TRIOBP: variants seen among roughly 807,000 people sequenced by gnomAD.
The protein encoded by TRIOBP is TRIO and F-actin binding protein.
TRIOBP carries 169 observed loss-of-function variants against 238.8 expected under a neutral mutation model. The observed-to-expected ratio is 0.71, with a 90% CI of 0.62 to 0.80. The LOEUF is 0.80. Ranked by LOEUF, TRIOBP falls within the 30% of genes least tolerant of loss-of-function variation. The pLI, the probability that TRIOBP is intolerant of heterozygous loss-of-function variation, is 0.00. For synonymous variants in TRIOBP, 1,150 were observed against 1,274.4 expected, an observed-to-expected ratio of 0.90 and a Z score of 2.08; for missense variants, 2,838 against 3,122.6, an observed-to-expected ratio of 0.91 and a Z score of 2.17.
chr22:37,722,282 G>T (rs1923869890), intron 6 of TRIOBP, among the ~76,000 whole-genome samples: 1 of 152,170 alleles, frequency 6.6e-6, no homozygotes, highest in African/African-American at 2.4e-5. Context: ...ACAAAAATGA[G>T]CTGGGCATAG....
In TRIOBP at chr22:37,738,718, C is replaced by T. The variant is rs767476673; in HGVS notation, c.5183C>T (p.Ser1728Leu). Residue 1728 changes from serine (S) to leucine (L), a missense_variant and splice_region_variant, in exon 10 of 24, where the codon TCG becomes TTG. Ser to Leu is a moderately radical substitution (Grantham distance 145, BLOSUM62 -2). This residue lies in a region of TRIOBP where 2,096 missense variants were observed against 2,137.4 expected (regional missense o/e 0.98). Coordinates refer to ENST00000644935, the MANE Select transcript of TRIOBP (RefSeq NM_001039141.3). ...DPLTDQKQAD[S>L]ADKRPAEGKA... is the part of the protein sequence containing the mutation. ...CTGACTGACCAGAAGCAGGCAGACT[C>T]GGTAGCTGGGTCATGGGTGTGGGTA... 1.4e-5 allele frequency: 23 copies of T among 1,613,608 alleles called. No individual in the cohort carries two copies. The highest frequency in any genetic ancestry group is 8.3e-5 in the Admixed American group (5 of 59,962).
chr22:37,710,099 C>T (rs1266831301), intron 3 of TRIOBP, among the ~76,000 whole-genome samples: 2 of 152,248 alleles, frequency 1.3e-5, no homozygotes, highest in African/African-American at 2.4e-5. Context: ...TCGGTGTACC[C>T]GCGGGACCTG....
intron 3 of TRIOBP, among the ~76,000 whole-genome samples, chr22:37,706,105 G>C (rs926006185): frequency 1.3e-5 from 2 of 152,138 alleles, no homozygotes; most frequent in African/African-American, 2.4e-5. Flanking sequence ...ACAGGATTTG[G>C]GGGTGAGGGA....
Position 37,733,337 on chromosome 22 carries a change from G to A in TRIOBP, c.3987G>A (p.Glu1329=). 6.4e-7 allele frequency: 1 copy of A among 1,551,472 alleles called. No individual in the cohort carries two copies. The highest frequency in any genetic ancestry group is 8.7e-7 in the Non-Finnish European group (1 of 1,147,400). ...EAAGAFQAQD[E]GRSQQPSQGQ... ...CGGGGGCCTTCCAGGCCCAGGACGAGGGACGGTCACAGCAGCCCAGCCAAG... is the reference window on the plus strand; with the variant it reads ...CGGGGGCCTTCCAGGCCCAGGACGAAGGACGGTCACAGCAGCCCAGCCAAG... Residue 1329 remains glutamate, a synonymous_variant, in exon 8 of 24, where the codon GAG becomes GAA. Coordinates refer to ENST00000644935, the MANE Select transcript of TRIOBP (RefSeq NM_001039141.3).
In TRIOBP at chr22:37,775,475, T is replaced by A. The variant is rs994873470; in HGVS notation, c.*1695T>A. ...GGTGGAGGAGGTCATCTGGGAAGGG[T>A]GTCCTTGGTCTTAAAAAGAGGCACA... On this transcript the variant is annotated 3_prime_UTR_variant, in exon 24 of 24. Coordinates refer to ENST00000644935, the MANE Select transcript of TRIOBP (RefSeq NM_001039141.3). 1.3e-5 allele frequency: 2 copies of A among 151,852 alleles called. No individual in the cohort carries two copies. The highest frequency in any genetic ancestry group is 2.9e-5 in the Non-Finnish European group (2 of 67,972). 9.4% of individuals were successfully genotyped at this position (151,852 alleles called of 1,614,324 possible).
rs1923182703 is a variant in TRIOBP at position 37,710,526 on chromosome 22, C to A, written c.214C>A (p.Gln72Lys). Reference sequence around the variant, plus strand: ...ACTCAGCGCCTCAACCTCCGGCTGCCAGTCTGTGGTGGACCCAGGCCTCAG... The same window carrying A: ...ACTCAGCGCCTCAACCTCCGGCTGCAAGTCTGTGGTGGACCCAGGCCTCAG... The part of the protein sequence containing the change: ...DPLSASTSGC[Q>K]SVVDPGLRPG... The change falls in exon 4 of 24, where the codon CAG becomes AAG. Residue 72 changes from glutamine to lysine, a missense_variant. Transcript: ENST00000644935. The A allele has an allele frequency of 1.2e-6, 2 of 1,612,208 alleles. No homozygotes were observed. Among genetic ancestry groups the A allele is most frequent in the South Asian group, 1.1e-5 (1 of 90,964 alleles).
rs1222554377 is a variant in TRIOBP, at chr22:37,765,826, C to T, written c.6472+9C>T. On this transcript the variant is annotated intron_variant, in intron 18 of 23. Transcript: ENST00000644935. ...GGCAGCCACGGCCTCAGGTATGGAC[C>T]CTGGGGGGGGCACAGTGGGCTGGGC... The T allele has an allele frequency of 6.6e-7, 1 of 1,516,788 alleles. No individual in the cohort carries two copies. Among genetic ancestry groups the T allele is most frequent in the East Asian group, 2.4e-5 (1 of 41,532 alleles). The allele number at this position is 1,516,788 out of a possible 1,614,324, so 94.0% of individuals were successfully genotyped here. A position where few individuals can be genotyped will look rare whatever the true frequency, so the allele number is the denominator to read the frequency against.
chr22:37,740,432 T>TG (rs973580254), intron 10 of TRIOBP, among the ~76,000 whole-genome samples: 2 of 151,876 alleles, frequency 1.3e-5, no homozygotes, highest in Non-Finnish European at 1.5e-5. Context: ...GGTGAGAAGG[T>TG]GGGGGGGCAC....
In TRIOBP at chr22:37,757,944, C is replaced by G; in HGVS notation, c.6019C>G (p.Arg2007Gly). Residue 2007 changes from arginine to glycine, a missense_variant, in exon 16 of 24, where the codon CGC becomes GGC. This residue lies in a region of TRIOBP where 2,096 missense variants were observed against 2,137.4 expected (regional missense o/e 0.98). Transcript: ENST00000644935. ...TPEVPAGEGPRRGLGAPLTED... is the reference protein window; with the variant it reads ...TPEVPAGEGPGRGLGAPLTED... ...AGAGGTGCCTGCTGGTGAGGGGCCG[C>G]GCCGGGGCCTGGGTGCCCCCCTGAC... 1 of 1,559,820 alleles carries G rather than the reference C, an allele frequency of 6.4e-7. No homozygotes were observed. The highest frequency in any genetic ancestry group is 8.7e-7 in the Non-Finnish European group (1 of 1,152,702).
At chr22:37,751,858 GC>G (rs1569054832) in intron 12 of TRIOBP, 30 bp downstream of exon 12, 2 of 1,613,298 alleles carry the variant, frequency 1.2e-6, no homozygotes. Flanking sequence ...AGGGGAGGAA[GC>G]TGGCTTGTGC....
chr22:37,745,317 C>T (rs1925166218), intron 11 of TRIOBP, among the ~76,000 whole-genome samples: 2 of 152,120 alleles, frequency 1.3e-5, no homozygotes, highest in Non-Finnish European at 2.9e-5. Flanking sequence ...ATCCTTCCAG[C>T]AACCTCATGA....
intron 12 of TRIOBP, among the ~76,000 whole-genome samples, chr22:37,753,550 A>C (rs1451007507): frequency 1.3e-5 from 2 of 152,234 alleles, no homozygotes; most frequent in Non-Finnish European, 2.9e-5. Flanking sequence ...AAGTGCTGGG[A>C]TTATAGGCGC....
intron 17 of TRIOBP, chr22:37,759,719 GC>G: frequency 1.4e-6 from 2 of 1,477,862 alleles, no homozygotes; most frequent in Non-Finnish European, 1.8e-6. Context: ...GCCTCCAGTA[GC>G]CCTCAGAGAA....
Position 37,701,392 on chromosome 22 carries a change from G to C in TRIOBP, c.27G>C (p.Leu9=). 6.2e-7 allele frequency: 1 copy of C among 1,613,732 alleles called. No homozygotes were observed. The highest frequency in any genetic ancestry group is 8.5e-7 in the Non-Finnish European group (1 of 1,179,912). The change falls in exon 3 of 24, where the codon CTG becomes CTC. Residue 9 remains leucine (L), a synonymous_variant. Transcript: ENST00000644935. MEEVPGDA[L]CEHFEANILT... is the part of the protein sequence containing the mutation. ...TGGAGGAGGTGCCTGGGGATGCCCT[G>C]TGTGAACACTTTGAGGCCAACATAC...
chr22:37,748,063 A>G (rs773357927), intron 11 of TRIOBP, among the ~76,000 whole-genome samples: 12 of 152,104 alleles, frequency 7.9e-5, no homozygotes, highest in African/African-American at 1.4e-4. Flanking sequence ...AGCAGTGTGG[A>G]CAGAAACGGG....
At chr22:37,773,070 C>T (rs545444998) in intron 23 of TRIOBP, among the ~76,000 whole-genome samples, 1 of 152,306 alleles carries the variant, frequency 6.6e-6, no homozygotes, top group African/African-American at 2.4e-5. Context: ...CATCCCTGAC[C>T]CCCACAGTGA....
intron 6 of TRIOBP, among the ~76,000 whole-genome samples, chr22:37,719,457 C>T (rs187513872): frequency 6.8e-4 from 104 of 152,126 alleles, no homozygotes; most frequent in Middle Eastern, 3.4e-3. Flanking sequence ...GGTTTTGAGG[C>T]TTCAGATGCT....
intron 12 of TRIOBP, 76 bp from the exon 13 acceptor site, chr22:37,754,801 C>T: frequency 1.4e-6 from 2 of 1,445,288 alleles, no homozygotes; most frequent in South Asian, 2.3e-5. Flanking sequence ...CTGTGTGCAG[C>T]ATAGTGAGTT....
At chr22:37,765,576 T>C in intron 17 of TRIOBP, 94 bp from the exon 18 acceptor site, 1 of 1,512,566 alleles carries the variant, frequency 6.6e-7, no homozygotes. Context: ...GGAGGTGGTG[T>C]ACCTGCCCCT....
Sources: allele counts gnomAD v4.1 joint callset (sites outside exome capture counted in the v4.1 genomes callset), GRCh38; gene constraint gnomAD v4.1.1; regional missense constraint gnomAD v4.1.1; transcripts MANE v1.5; gene names NCBI Gene and HGNC (gene_info 2026-07-23, HGNC 2026-07-21).